HSP90AB1: variants seen among roughly 807,000 people sequenced by gnomAD.
The protein encoded by HSP90AB1 is heat shock protein 90 alpha family class B member 1.
A neutral mutation model predicts 67.8 loss-of-function variants in HSP90AB1; 17 were observed. The ratio of observed to expected loss-of-function variants is 0.25; its 90% confidence interval spans 0.17 to 0.38. The LOEUF (loss-of-function observed/expected upper bound fraction) is 0.38. HSP90AB1 is among the 10% of genes least tolerant of loss of function. HSP90AB1 has a pLI of 1.00. For missense variants in HSP90AB1, 690 were observed against 899.9 expected (o/e 0.77, Z 2.98); for synonymous variants, 390 against 312.9 (o/e 1.25, Z -2.60).
intron 1 of HSP90AB1, among the ~76,000 whole-genome samples, chr6:44,247,644 T>G (rs998117662): frequency 2.6e-5 from 4 of 152,230 alleles, no homozygotes; most frequent in African/African-American, 7.2e-5. Context: ...TGTTAAAGCC[T>G]TCTTGGGTGC....
rs373017568 is a variant in HSP90AB1 at position 44,253,147 on chromosome 6, C to A, written c.1834C>A (p.Arg612=). Residue 612 remains arginine, a synonymous_variant, in exon 11 of 12, where the codon CGG becomes AGG. Transcript: ENST00000371646. ...MERIMKAQAL[R]DNSTMGYMMA... is the part of the protein sequence containing the mutation. ...GCGGATCATGAAAGCCCAGGCACTT[C>A]GGGACAACTCCACCATGGGCTATAT... The A allele has an allele frequency of 3.0e-5, 48 of 1,614,060 alleles. No homozygotes were observed. The highest frequency in any genetic ancestry group is 3.9e-5 in the Non-Finnish European group (46 of 1,180,020).
At chr6:44,247,976 C>T (rs893064755) in intron 1 of HSP90AB1, 14 of 152,228 alleles carry the variant, frequency 9.2e-5, no homozygotes, top group Non-Finnish European at 8.8e-5. Flanking sequence ...CTACGGCCAC[C>T]ATCTTTCTTG....
At chr6:44,251,277 G>A in intron 7 of HSP90AB1, 64 bp downstream of exon 7, 1 of 1,582,698 alleles carries the variant, frequency 6.3e-7, no homozygotes, top group Non-Finnish European at 8.7e-7. Flanking sequence ...CATTCTGCTA[G>A]GATATTCTAA....
intron 1 of HSP90AB1, chr6:44,248,077 C>G (rs866121309): frequency 6.6e-6 from 1 of 152,432 alleles, no homozygotes; most frequent in African/African-American, 2.4e-5. Flanking sequence ...AATTGCTCCT[C>G]CGGTGGGTAT....
At chr6:44,247,469 G>A (rs1166574136) in intron 1 of HSP90AB1, among the ~76,000 whole-genome samples, 1 of 152,136 alleles carries the variant, frequency 6.6e-6, no homozygotes, top group Non-Finnish European at 1.5e-5. Flanking sequence ...GCTGGCAGCT[G>A]CACGTGGTGG....
chr6:44,250,189 G>A (rs532522649), intron 5 of HSP90AB1, 35 bp downstream of exon 5: 48 of 1,613,626 alleles, frequency 3.0e-5, no homozygotes, highest in South Asian at 2.6e-4. Flanking sequence ...TACACTTAAC[G>A]TGCAGGATGT....
Position 44,251,772 on chromosome 6 carries a change from C to T in HSP90AB1, c.1350C>T (p.Arg450=). The T allele has an allele frequency of 6.2e-7, 1 of 1,613,586 alleles. No homozygotes were observed. The highest frequency in any genetic ancestry group is 8.5e-7 in the Non-Finnish European group (1 of 1,180,034). Residue 450 remains arginine (R), a synonymous_variant, in exon 9 of 12, where the codon CGC becomes CGT. Coordinates refer to ENST00000371646, the MANE Select transcript of HSP90AB1 (RefSeq NM_007355.4). ...GIHEDSTNRR[R]LSELLRYHTS... ...ACGAAGACTCCACTAACCGCCGCCG[C>T]CTGTCTGAGCTGCTGCGCTATCATA... is the stretch of plus-strand genomic sequence containing the variant.
upstream of HSP90AB1, among the ~76,000 whole-genome samples, chr6:44,246,747 CAGT>C (rs1327788862): frequency 1.3e-5 from 2 of 152,184 alleles, no homozygotes; most frequent in Non-Finnish European, 2.9e-5. Flanking sequence ...GTGTCCCCCC[CAGT>C]CCCGCCCTTG....
rs1455123671 is a variant in HSP90AB1 at position 44,253,501 on chromosome 6, A to G, written c.2078A>G (p.Asp693Gly). The G allele has an allele frequency of 2.5e-6, 4 of 1,613,738 alleles. No homozygotes were observed. The South Asian group carries it at 3.3e-5, about 13-fold the overall frequency. The change falls in exon 12 of 12, where the codon GAT (aspartate) becomes GGT (glycine). Residue 693 changes from aspartate (D) to glycine (G), a missense_variant. Transcript: ENST00000371646. Reference protein sequence around the residue: ...MIKLGLGIDEDEVAAEEPNAA... With the variant: ...MIKLGLGIDEGEVAAEEPNAA... ...AATTTTACTTCAGGTATTGATGAAG[A>G]TGAAGTGGCAGCAGAGGAACCCAAT...
chr6:44,253,627 G>T lies in HSP90AB1; in HGVS notation c.*29G>T. ...AGGAGTTCATAGTTGGAAAACTTGTGCCCTTGTATAGTGTCCCCATGGGCT... is the reference window on the plus strand; with the variant it reads ...AGGAGTTCATAGTTGGAAAACTTGTTCCCTTGTATAGTGTCCCCATGGGCT... On this transcript the variant is annotated 3_prime_UTR_variant, in exon 12 of 12. Coordinates refer to ENST00000371646, the MANE Select transcript of HSP90AB1 (RefSeq NM_007355.4). 1.9e-6 allele frequency: 3 copies of T among 1,572,360 alleles called. No homozygotes were observed. Among genetic ancestry groups the T allele is most frequent in the Non-Finnish European group, 2.6e-6 (3 of 1,142,070 alleles).
chr6:44,251,324 GT>G, intron 7 of HSP90AB1, 93 bp from the exon 8 acceptor site: 1 of 1,517,154 alleles, frequency 6.6e-7, no homozygotes, highest in Non-Finnish European at 9.1e-7. Flanking sequence ...AGGTGTAAGG[GT>G]TCAGGAGGCT....
At chr6:44,248,422 T>C (rs796230818) in intron 1 of HSP90AB1, among the ~76,000 whole-genome samples, 10 of 152,362 alleles carry the variant, frequency 6.6e-5, no homozygotes, top group African/African-American at 2.4e-4. Flanking sequence ...TAGCTTATTT[T>C]CTTTTTCCTT....
upstream of HSP90AB1, among the ~76,000 whole-genome samples, chr6:44,246,921 G>A (rs892080862): frequency 6.6e-6 from 1 of 152,212 alleles, no homozygotes; most frequent in Non-Finnish European, 1.5e-5. Flanking sequence ...AAATGTGTGG[G>A]CGGATCCGTT....
At chr6:44,248,797 A>G (rs1442150177) in intron 2 of HSP90AB1, 21 bp downstream of exon 2, 5 of 1,538,486 alleles carry the variant, frequency 3.2e-6, no homozygotes, top group East Asian at 2.3e-5. Flanking sequence ...TGGTTTCCAC[A>G]TTTGGCATGG....
chr6:44,249,332 T>C, intron 2 of HSP90AB1, 45 bp from the exon 3 acceptor site: 1 of 1,491,586 alleles, frequency 6.7e-7, no homozygotes. Context: ...AGAGCAAGAG[T>C]CTGTCTTGGA....
At chr6:44,247,948 C>G (rs975886703) in intron 1 of HSP90AB1, 2 of 152,228 alleles carry the variant, frequency 1.3e-5, no homozygotes, top group Non-Finnish European at 2.9e-5. Flanking sequence ...CCGGCAGTGA[C>G]GAGTGTCGGC....
intron 1 of HSP90AB1, 157 bp from the exon 2 acceptor site, chr6:44,248,473 C>A: frequency 3.4e-6 from 2 of 582,380 alleles, no homozygotes; most frequent in East Asian, 5.7e-5. Context: ...AGTCTGAGAT[C>A]TTTAAGAGAA....
rs377484102 is a variant in HSP90AB1 at position 44,252,057 on chromosome 6, C to T, written c.1521C>T (p.Gly507=). 2 of 1,614,052 alleles carry T rather than the reference C, an allele frequency of 1.2e-6. No homozygotes were observed. The highest frequency in any genetic ancestry group is 2.7e-5 in the African/African-American group (2 of 74,912). The change falls in exon 10 of 12, where the codon GGC becomes GGT. Residue 507 remains glycine (G), a synonymous_variant. Transcript: ENST00000371646. ...TTGTGGAGCGAGTGCGGAAACGGGG[C>T]TTCGAGGTGGTATATATGACCGAGC... ...SAFVERVRKR[G]FEVVYMTEPI...
At chr6:44,246,604 C>A (rs986882254), upstream of HSP90AB1, among the ~76,000 whole-genome samples, 1 of 152,244 alleles carries the variant, frequency 6.6e-6, no homozygotes, top group Non-Finnish European at 1.5e-5. Context: ...GAGTCGGGAT[C>A]TGGGGCTACC....
Sources: allele counts gnomAD v4.1 joint callset (sites outside exome capture counted in the v4.1 genomes callset), GRCh38; gene constraint gnomAD v4.1.1; transcripts MANE v1.5; gene names NCBI Gene and HGNC (gene_info 2026-07-23, HGNC 2026-07-21).